GFM1: variants seen among roughly 807,000 people sequenced by gnomAD.
The protein encoded by GFM1 is G elongation factor mitochondrial 1.
In GFM1, 62 loss-of-function variants were observed where a neutral mutation model predicts 96.2. That is an observed-to-expected ratio of 0.64 (90% CI 0.53 to 0.80). The LOEUF (loss-of-function observed/expected upper bound fraction) is 0.80. GFM1 is among the 30% of genes least tolerant of loss of function. GFM1 has a pLI of 0.00. For synonymous variants in GFM1, 282 were observed against 312.9 expected (o/e 0.90, Z 1.04); for missense variants, 852 against 916.6 (o/e 0.93, Z 0.91).
At chr3:158,648,744 C>T (rs958358515) in intron 4 of GFM1, among the ~76,000 whole-genome samples, 1 of 151,352 alleles carries the variant, frequency 6.6e-6, no homozygotes, top group Non-Finnish European at 1.5e-5. Context: ...CCTGGCTAGC[C>T]CTCCATTATC....
chr3:158,672,634 C>A, intron 13 of GFM1: 1 of 852,694 alleles, frequency 1.2e-6, no homozygotes, highest in Non-Finnish European at 1.8e-6. Flanking sequence ...CTTCCGACTC[C>A]GGAAGCTGCT....
chr3:158,692,527 G>GTCC lies in GFM1; in HGVS notation c.*1062_*1064dup, dbSNP rs1335759337. The GTCC allele has an allele frequency of 6.6e-6, 1 of 152,088 alleles. No homozygotes were observed. The highest frequency in any genetic ancestry group is 1.5e-5 in the Non-Finnish European group (1 of 68,014). The allele number at this position is 152,088 out of a possible 1,614,324, so 9.4% of individuals were successfully genotyped here. ...CATCTGATGGTATAGATGGATCCTA[G>GTCC]TCCTTTTCATTACCTGATGGTAGAA... On this transcript the variant is annotated 3_prime_UTR_variant, in exon 18 of 18. Coordinates refer to ENST00000486715, the MANE Select transcript of GFM1 (RefSeq NM_024996.7).
At chr3:158,645,479 A>C in intron 1 of GFM1, 150 bp from the exon 2 acceptor site, 1 of 697,982 alleles carries the variant, frequency 1.4e-6, no homozygotes, top group Non-Finnish European at 2.6e-6. Context: ...CAAGAGTTCC[A>C]GGCTTAAAGG....
At chr3:158,662,429 C>CTTTA (rs1227374969) in intron 10 of GFM1, among the ~76,000 whole-genome samples, 199 bp from the exon 11 acceptor site, 2 of 152,008 alleles carry the variant, frequency 1.3e-5, no homozygotes, top group Admixed American at 6.6e-5. Flanking sequence ...AAGTAGATAG[C>CTTTA]TTTATTTATT....
intron 11 of GFM1, among the ~76,000 whole-genome samples, chr3:158,664,669 C>T (rs896967065): frequency 6.6e-6 from 1 of 152,196 alleles, no homozygotes; most frequent in African/African-American, 2.4e-5. Flanking sequence ...TATGTTGTAT[C>T]CACCTAGATA....
chr3:158,682,351 T>C (rs2108096955), intron 14 of GFM1, 194 bp downstream of exon 14: 2 of 567,252 alleles, frequency 3.5e-6, no homozygotes, highest in Non-Finnish European at 6.3e-6. Context: ...AAATCCATGC[T>C]GTGACAATGA....
chr3:158,658,646 T>C (rs1159229730), intron 8 of GFM1, among the ~76,000 whole-genome samples: 1 of 152,246 alleles, frequency 6.6e-6, no homozygotes, highest in East Asian at 1.9e-4. Context: ...TTCCTTATTA[T>C]GTAAACAACT....
intron 12 of GFM1, 95 bp downstream of exon 12, chr3:158,665,569 C>G (rs987259257): frequency 4.5e-6 from 5 of 1,113,300 alleles, no homozygotes; most frequent in Non-Finnish European, 6.8e-6. Context: ...GTAACTAACT[C>G]TGGTTCTTCA....
Position 158,652,681 on chromosome 3 carries a change from C to T in GFM1, c.840+435C>T, listed in dbSNP as rs1576733195. ...AGGGCTGGGGCAGGACCTGGAGCTG[C>T]TACTGTCATGACCTGTAATTTATGA... is the stretch of plus-strand genomic sequence containing the variant. On this transcript the variant is annotated intron_variant, in intron 6 of 17. Transcript: ENST00000486715. 2.0e-5 allele frequency among the ~76,000 whole-genome samples: 3 copies of T among 152,260 alleles called. No individual in the cohort carries two copies. In the South Asian group the frequency reaches 6.2e-4, roughly 32 times the overall value.
Position 158,692,268 on chromosome 3 carries a change from A to T in GFM1, c.*801A>T, listed in dbSNP as rs2096072809. 6.6e-6 allele frequency: 1 copy of T among 152,204 alleles called. No homozygotes were observed. The highest frequency in any genetic ancestry group is 1.5e-5 in the Non-Finnish European group (1 of 68,032). 9.4% of individuals were successfully genotyped at this position (152,204 alleles called of 1,614,324 possible). A position where few individuals can be genotyped will look rare whatever the true frequency, so the allele number is the denominator to read the frequency against. On this transcript the variant is annotated 3_prime_UTR_variant, in exon 18 of 18. Transcript: ENST00000486715. Reference sequence around the variant, plus strand: ...AAGTAAAAAGTAGACCCTTGCATATACTATTCTTGTTTGTGTTCATCTTAA... The same window carrying T: ...AAGTAAAAAGTAGACCCTTGCATATTCTATTCTTGTTTGTGTTCATCTTAA...
chr3:158,644,648 G>A lies in GFM1; in HGVS notation c.14G>A (p.Gly5Glu). 6.4e-7 allele frequency: 1 copy of A among 1,573,474 alleles called. No individual in the cohort carries two copies. Among genetic ancestry groups the A allele is most frequent in the East Asian group, 2.3e-5 (1 of 43,206 alleles). ...TCTGCGCTTGCCATGAGACTCCTGG[G>A]AGCTGCAGCCGTCGCGGCTCTGGGG... MRLLGAAAVAALGRG... is the reference protein window; with the variant it reads MRLLEAAAVAALGRG... Residue 5 changes from glycine (G) to glutamate (E), a missense_variant, in exon 1 of 18, where the codon GGA (glycine) becomes GAA (glutamate). Coordinates refer to ENST00000486715, the MANE Select transcript of GFM1 (RefSeq NM_024996.7).
Position 158,691,474 on chromosome 3 carries a change from T to G in GFM1, c.*7T>G. 2 of 1,613,196 alleles carry G rather than the reference T, an allele frequency of 1.2e-6. No homozygotes were observed. The highest frequency in any genetic ancestry group is 1.7e-6 in the Non-Finnish European group (2 of 1,179,568). Reference sequence around the variant, plus strand: ...AGGAAAAGCCAAGAACTAACTTTGCTTACTGTGAGTTGACTGACTCTAATT... The same window carrying G: ...AGGAAAAGCCAAGAACTAACTTTGCGTACTGTGAGTTGACTGACTCTAATT... On this transcript the variant is annotated 3_prime_UTR_variant, in exon 18 of 18. Coordinates refer to ENST00000486715, the MANE Select transcript of GFM1 (RefSeq NM_024996.7).
intron 13 of GFM1, among the ~76,000 whole-genome samples, chr3:158,673,516 T>TC (rs1724577412): frequency 2.7e-5 from 4 of 147,316 alleles, no homozygotes; most frequent in Admixed American, 1.3e-4. Flanking sequence ...TTCTTTTTTT[T>TC]TTTTTTTTTT....
In GFM1 at chr3:158,665,471, T is replaced by C; in HGVS notation, c.1515T>C (p.Ala505=). 1 of 1,608,584 alleles carries C rather than the reference T, an allele frequency of 6.2e-7. No individual in the cohort carries two copies. Among genetic ancestry groups the C allele is most frequent in the Non-Finnish European group, 8.5e-7 (1 of 1,175,560 alleles). Residue 505 remains alanine (A), a synonymous_variant, in exon 12 of 18, where the codon GCT becomes GCC. Transcript: ENST00000486715. ...GMGELHLEIY[A]QRLEREYGCP... is the part of the protein sequence containing the mutation. ...GAGAATTACACCTGGAAATCTATGC[T>C]CAGGTAATGAATAATAAGGAAGTTA...
Position 158,660,893 on chromosome 3 carries a change from C to G in GFM1, c.1241C>G (p.Ala414Gly). Residue 414 changes from alanine to glycine, a missense_variant, in exon 10 of 18, where the codon GCC (alanine) becomes GGC (glycine). By Grantham distance (60) the Ala-to-Gly change is moderately conservative. Transcript: ENST00000486715. ...DMMEDVEEVY[A>G]GDICALFGID... The stretch of plus-strand genomic sequence containing the variant: ...TTTTAGGATGTTGAGGAAGTATATG[C>G]CGGAGACATCTGTGCATTGTTTGGC... 1.2e-6 allele frequency: 2 copies of G among 1,613,514 alleles called. No homozygotes were observed. Among genetic ancestry groups the G allele is most frequent in the Non-Finnish European group, 1.7e-6 (2 of 1,179,596 alleles).
In GFM1 at chr3:158,654,461, C is replaced by G; in HGVS notation, c.999-86C>G. 6 of 861,682 alleles carry G rather than the reference C, an allele frequency of 7.0e-6. No individual in the cohort carries two copies. In the South Asian group the frequency reaches 9.0e-5, roughly 13 times the overall value. 53.4% of individuals were successfully genotyped at this position (861,682 alleles called of 1,614,324 possible). ...AATATCCCACACACGTGCTTTTTCT[C>G]AGATAATACTTCCTGATGAAATAAA... On this transcript the variant is annotated intron_variant, in intron 7 of 17. Transcript: ENST00000486715.
At chr3:158,688,522 A>G (rs958355783) in intron 15 of GFM1, among the ~76,000 whole-genome samples, 8 of 152,168 alleles carry the variant, frequency 5.3e-5, no homozygotes, top group African/African-American at 1.7e-4. Context: ...TTACATTACT[A>G]TCCTATTGAG....
intron 13 of GFM1, chr3:158,670,974 C>T (rs1724232131): frequency 1.3e-6 from 2 of 1,540,078 alleles, no homozygotes; most frequent in African/African-American, 1.4e-5. Flanking sequence ...ATAATTTCTT[C>T]AACAGCAAAT....
At position 158,644,548 on chromosome 3, in the gene GFM1, G is replaced by C. The variant is rs2107996183; in HGVS notation, c.-87G>C. 1 of 1,064,766 alleles carries C rather than the reference G, an allele frequency of 9.4e-7. No homozygotes were observed. Among genetic ancestry groups the C allele is most frequent in the East Asian group, 2.6e-5 (1 of 38,670 alleles). 66.0% of individuals were successfully genotyped at this position (1,064,766 alleles called of 1,614,324 possible). On this transcript the variant is annotated 5_prime_UTR_variant, in exon 1 of 18. Transcript: ENST00000486715. Reference sequence around the variant, plus strand: ...AAGTGCTCTTACAACATTGGCTGCCGGCGTGACTTTGACCGCTTCCCGGTG... The same window carrying C: ...AAGTGCTCTTACAACATTGGCTGCCCGCGTGACTTTGACCGCTTCCCGGTG...
Sources: gnomAD v4.1 joint callset for allele counts (sites outside exome capture counted in the v4.1 genomes callset) on GRCh38, gnomAD v4.1.1 for gene constraint, MANE v1.5 for transcripts, NCBI Gene and HGNC (gene_info 2026-07-23, HGNC 2026-07-21) for gene names.